Variants in MAP3K15 observed in about 807,000 individuals in gnomAD.
The protein encoded by MAP3K15 is mitogen-activated protein kinase kinase kinase 15, also known as MAPK/ERK kinase kinase 15.
A neutral mutation model predicts 99.5 loss-of-function variants in MAP3K15; 124 were observed. That is an observed-to-expected ratio of 1.25 (90% CI 1.08 to 1.45). The LOEUF is 1.45. Ranked by LOEUF, MAP3K15 falls within the 40% of genes most tolerant of loss-of-function variation. MAP3K15 has a pLI of 0.00. For missense variants in MAP3K15, 1,242 were observed against 1,079.7 expected (o/e 1.15, Z -2.11); for synonymous variants, 494 against 439.6 (o/e 1.12, Z -1.55).
At chrX:19,384,749 GAAAAAAAAAAAA>G (rs34619145) in intron 18 of MAP3K15, among the ~76,000 whole-genome samples, 567 of 22,555 alleles carry the variant, frequency 0.025, 6 homozygotes, top group Non-Finnish European at 0.033. Flanking sequence ...TGTCTCAGGG[GAAAAAAAAAAAA>G]AAAAAAAAAA....
At chrX:19,429,512 T>C (rs1289388898) in intron 7 of MAP3K15, among the ~76,000 whole-genome samples, 1 of 110,082 alleles carries the variant, frequency 9.1e-6, no homozygotes, top group African/African-American at 3.3e-5. Context: ...AGTAAGACAT[T>C]GGAAGCCATA....
intron 1 of MAP3K15, among the ~76,000 whole-genome samples, chrX:19,504,060 C>T (rs1219286636): frequency 1.0e-5 from 1 of 100,397 alleles, no homozygotes; most frequent in Non-Finnish European, 2.0e-5. Flanking sequence ...GGTGAGGTTA[C>T]AGTGAGCCCT....
chrX:19,366,121 A>T (rs751011372), intron 25 of MAP3K15, among the ~76,000 whole-genome samples: 5 of 110,616 alleles, frequency 4.5e-5, no homozygotes, highest in Non-Finnish European at 7.6e-5. Context: ...TTTGGTGGCA[A>T]AGTGGGGTGG....
At chrX:19,377,598 CG>C (rs1347922158) in intron 19 of MAP3K15, among the ~76,000 whole-genome samples, 1 of 111,684 alleles carries the variant, frequency 9.0e-6, no homozygotes, top group Admixed American at 9.5e-5. Context: ...CAAGAGGAGG[CG>C]GGGAGCCAGG....
intron 4 of MAP3K15, among the ~76,000 whole-genome samples, chrX:19,461,710 G>C (rs1259501945): frequency 9.0e-6 from 1 of 111,202 alleles, no homozygotes; most frequent in South Asian, 3.8e-4. Flanking sequence ...CTGAAATGGG[G>C]CCAGGCATAG....
intron 3 of MAP3K15, among the ~76,000 whole-genome samples, chrX:19,479,411 T>C (rs1053103784): frequency 4.5e-5 from 5 of 111,390 alleles, no homozygotes; most frequent in African/African-American, 9.8e-5. Flanking sequence ...AAAGCTGTCA[T>C]TGAGCCTGCA....
intron 1 of MAP3K15, among the ~76,000 whole-genome samples, chrX:19,490,762 A>AT (rs112208930): frequency 0.17 from 18,614 of 109,147 alleles, 1,319 homozygotes; most frequent in African/African-American, 0.23. Context: ...AACTAAAAAA[A>AT]AAAAAAAAAT....
At chrX:19,437,711 C>T (rs1223655434) in intron 6 of MAP3K15, among the ~76,000 whole-genome samples, 5 of 111,358 alleles carry the variant, frequency 4.5e-5, no homozygotes, top group South Asian at 3.8e-4. Context: ...ATGCAAGCTC[C>T]GAGAGGGTGG....
At chrX:19,459,765 G>A (rs777489841) in intron 5 of MAP3K15, among the ~76,000 whole-genome samples, 2 of 112,283 alleles carry the variant, frequency 1.8e-5, no homozygotes, top group South Asian at 7.4e-4. Context: ...CAGGAGAACA[G>A]CTTGAACCCG....
At chrX:19,506,314 C>T (rs903181884) in intron 1 of MAP3K15, among the ~76,000 whole-genome samples, 5 of 111,242 alleles carry the variant, frequency 4.5e-5, no homozygotes, top group African/African-American at 1.6e-4. Flanking sequence ...AAGTGATCCA[C>T]CCACCTTGGC....
intron 9 of MAP3K15, among the ~76,000 whole-genome samples, chrX:19,418,155 G>A (rs1406768165): frequency 1.2e-4 from 14 of 112,184 alleles, no homozygotes; most frequent in African/African-American, 4.5e-4. Context: ...CCAAAGGAAC[G>A]CAGCTCCTCA....
chrX:19,461,582 C>T (rs2064133162), intron 4 of MAP3K15, among the ~76,000 whole-genome samples: 1 of 112,145 alleles, frequency 8.9e-6, no homozygotes, highest in Admixed American at 9.5e-5. Flanking sequence ...ACTTGGTATA[C>T]ATAAGTTGAG....
intron 9 of MAP3K15, among the ~76,000 whole-genome samples, chrX:19,422,431 T>C (rs185058093): frequency 1.8e-5 from 2 of 111,353 alleles, no homozygotes; most frequent in Non-Finnish European, 3.8e-5. Flanking sequence ...CATGAAAAAA[T>C]GATCATCACT....
At chrX:19,362,290 G>A (rs1282158432) in intron 26 of MAP3K15, among the ~76,000 whole-genome samples, 1 of 99,879 alleles carries the variant, frequency 1.0e-5, no homozygotes, top group African/African-American at 3.9e-5. Flanking sequence ...AGAGTGCAGT[G>A]GCATGACCTC....
Position 19,461,894 on chromosome X carries a change from G to A in MAP3K15, c.720-1741C>T, listed in dbSNP as rs980872182. Among the ~76,000 whole-genome samples, 8 of 110,425 alleles carry A rather than the reference G, an allele frequency of 7.2e-5. No individual in the cohort carries two copies. In the East Asian group the frequency reaches 2.3e-3, roughly 31 times the overall value. On this transcript the variant is annotated intron_variant, in intron 4 of 28. Coordinates refer to ENST00000338883, the MANE Select transcript of MAP3K15 (RefSeq NM_001001671.4). Reference sequence around the variant, plus strand: ...TAATCCCAGCTACTTCGGAGGTCGAGGCAGGAGAATCGCTCGAACCCGGGA... The same window carrying A: ...TAATCCCAGCTACTTCGGAGGTCGAAGCAGGAGAATCGCTCGAACCCGGGA...
chrX:19,466,908 G>T (rs918975133), intron 3 of MAP3K15, among the ~76,000 whole-genome samples: 4 of 111,823 alleles, frequency 3.6e-5, no homozygotes, highest in Non-Finnish European at 7.5e-5. Context: ...TCCAACCGGG[G>T]CCCATGGACC....
rs983752668 is a variant in MAP3K15 at position 19,360,081 on chromosome X, C to T, written c.*668G>A. 3.3e-5 allele frequency: 6 copies of T among 182,157 alleles called. No individual in the cohort carries two copies. The highest frequency in any genetic ancestry group is 6.1e-5 in the Non-Finnish European group (6 of 98,864). The allele number at this position is 182,157 out of a possible 1,213,427, so 15.0% of individuals were successfully genotyped here. A position where few individuals can be genotyped will look rare whatever the true frequency, so the allele number is the denominator to read the frequency against. On this transcript the variant is annotated 3_prime_UTR_variant, in exon 29 of 29. Transcript: ENST00000338883. ...CTCTACAAGATACAATATTTATTATCAGGCAAGAGGACAGTTCCATTTTAA... is the reference window on the plus strand; with the variant it reads ...CTCTACAAGATACAATATTTATTATTAGGCAAGAGGACAGTTCCATTTTAA...
In MAP3K15 at chrX:19,369,079, C is replaced by T; in HGVS notation, c.3541G>A (p.Gly1181Ser). The change falls in exon 25 of 29, where the codon GGT becomes AGT. Residue 1181 changes from glycine to serine, a missense_variant. Physicochemically the swap from Gly to Ser is moderately conservative, Grantham distance 56. Transcript: ENST00000338883. ...CTGTTGGTCTCCTGTCTGAGCTCACCCAGCTGGAGGCTCAGGTGCTGCTGG... is the reference window on the plus strand; with the variant it reads ...CTGTTGGTCTCCTGTCTGAGCTCACTCAGCTGGAGGCTCAGGTGCTGCTGG... ...PHQQHLSLQL[G>S]ELRQETNRLL... is the part of the protein sequence containing the mutation. 1.7e-6 allele frequency: 2 copies of T among 1,206,118 alleles called. No individual in the cohort carries two copies. Among genetic ancestry groups the T allele is most frequent in the Non-Finnish European group, 1.1e-6 (1 of 892,957 alleles).
intron 25 of MAP3K15, among the ~76,000 whole-genome samples, chrX:19,363,618 C>G (rs140323044): frequency 2.7e-5 from 3 of 109,495 alleles, no homozygotes; most frequent in Non-Finnish European, 5.7e-5. Flanking sequence ...AGGGACTAAA[C>G]GAAGGGGACA....
Sources: gnomAD v4.1 joint callset for allele counts (sites outside exome capture counted in the v4.1 genomes callset) on GRCh38, gnomAD v4.1.1 for gene constraint, MANE v1.5 for transcripts, NCBI Gene and HGNC (gene_info 2026-07-23, HGNC 2026-07-21) for gene names.